Variants in NSMF observed in about 807,000 individuals in gnomAD.
The protein encoded by NSMF is nasal embryonic LHRH factor.
NSMF carries 31 observed loss-of-function variants against 71.0 expected under a neutral mutation model. That is an observed-to-expected ratio of 0.44 (90% CI 0.33 to 0.59). NSMF has a LOEUF of 0.59. NSMF is among the 20% of genes least tolerant of loss of function. NSMF has a pLI of 0.04. For synonymous variants in NSMF, 345 were observed against 287.1 expected (o/e 1.20, Z -2.04); for missense variants, 673 against 740.5 (o/e 0.91, Z 1.06).
chr9:137,456,208 G>T (rs868812530), intron 4 of NSMF, among the ~76,000 whole-genome samples: 8 of 123,676 alleles, frequency 6.5e-5, no homozygotes, highest in South Asian at 2.4e-4. Flanking sequence ...GTGTGTGTGT[G>T]GGGGGGGGGG....
rs757328970 is a variant in NSMF at position 137,453,739 on chromosome 9, G to C, written c.914C>G (p.Ser305Cys). The change falls in exon 8 of 16, where the codon TCC becomes TGC. Residue 305 changes from serine (S) to cysteine (C), a missense_variant. By Grantham distance (112) the Ser-to-Cys change is moderately radical. Transcript: ENST00000371475. The surrounding 1 kb of genome is among the most constrained non-coding windows in gnomAD (Gnocchi z 4.5). ...CTGTGCGGGGCACCTACTGTCTCGG[G>C]AGTCGTGGGAAGTGTCGGCTTTCAT... is the stretch of plus-strand genomic sequence containing the variant. Reference protein sequence around the residue: ...TPMKADTSHDSRDSSDLQSSH... With the variant: ...TPMKADTSHDCRDSSDLQSSH... 8 of 1,601,728 alleles carry C rather than the reference G, an allele frequency of 5.0e-6. No individual in the cohort carries two copies. The highest frequency in any genetic ancestry group is 5.9e-6 in the Non-Finnish European group (7 of 1,178,014).
intron 7 of NSMF, 95 bp downstream of exon 7, chr9:137,454,296 G>A: frequency 8.1e-7 from 1 of 1,241,178 alleles, no homozygotes; most frequent in South Asian, 1.3e-5. Flanking sequence ...ATTGGGGTTG[G>A]GGCGGGGGTC....
chr9:137,458,469 C>G lies in NSMF; in HGVS notation c.133+19G>C. 6.4e-6 allele frequency: 10 copies of G among 1,568,090 alleles called. No individual in the cohort carries two copies. The highest frequency in any genetic ancestry group is 8.6e-6 in the Non-Finnish European group (10 of 1,160,588). On this transcript the variant is annotated intron_variant, in intron 2 of 15. Transcript: ENST00000371475. ...CTGGGGGGTCTGGGCGGCCCTGGCA[C>G]GGCCTCGCGTGCCCCTACCTGCGCC...
chr9:137,458,650 C>T, intron 1 of NSMF, 101 bp from the exon 2 acceptor site: 1 of 1,173,996 alleles, frequency 8.5e-7, no homozygotes, highest in Non-Finnish European at 1.2e-6. Flanking sequence ...AGGCCCTCGG[C>T]GTCTGGAAGG....
chr9:137,454,072 G>A (rs1830698856), intron 7 of NSMF, among the ~76,000 whole-genome samples: 2 of 142,636 alleles, frequency 1.4e-5, no homozygotes, highest in Non-Finnish European at 3.1e-5. Flanking sequence ...TGGCTGGGAG[G>A]GGAGGAGCCT....
chr9:137,458,028 C>T, intron 2 of NSMF, 127 bp from the exon 3 acceptor site: 5 of 1,344,546 alleles, frequency 3.7e-6, no homozygotes, highest in Non-Finnish European at 5.1e-6. Flanking sequence ...GCTGCCCAAA[C>T]CCTAGTCACT....
At chr9:137,456,083 G>T (rs1167828315) in intron 4 of NSMF, among the ~76,000 whole-genome samples, 1 of 152,250 alleles carries the variant, frequency 6.6e-6, no homozygotes, top group Non-Finnish European at 1.5e-5. Context: ...TCTATTTGGG[G>T]TTTGAGGGAG....
At position 137,459,266 on chromosome 9, in the gene NSMF, C is replaced by A. The variant is rs1831054260; in HGVS notation, c.-164G>T. The A allele has an allele frequency of 3.0e-6, 1 of 329,034 alleles. No homozygotes were observed. Among genetic ancestry groups the A allele is most frequent in the Non-Finnish European group, 4.4e-6 (1 of 225,500 alleles). The allele number at this position is 329,034 out of a possible 1,614,324, so 20.4% of individuals were successfully genotyped here. A position where few individuals can be genotyped will look rare whatever the true frequency, so the allele number is the denominator to read the frequency against. The stretch of plus-strand genomic sequence containing the variant: ...CTCGGGGTCGGGCTCGGGGTCGGGC[C>A]CGGTCCCCGCATGGCCGCACCCGGC... On this transcript the variant is annotated 5_prime_UTR_variant, in exon 1 of 16. Coordinates refer to ENST00000371475, the MANE Select transcript of NSMF (RefSeq NM_001130969.3).
In NSMF at chr9:137,449,983, T is replaced by C. The variant is rs903286825; in HGVS notation, c.1359A>G (p.Pro453=). The part of the protein sequence containing the change: ...RLSRLMSKVN[P]EPNVIHIMGC... ...CCATGATGTGGATGACGTTCGGCTC[T>C]GGGTTCACTTTGCTCATCAGGCGGC... Residue 453 remains proline, a synonymous_variant, in exon 14 of 16, where the codon CCA becomes CCG. Transcript: ENST00000371475. 1 of 1,613,256 alleles carries C rather than the reference T, an allele frequency of 6.2e-7. No individual in the cohort carries two copies. The highest frequency in any genetic ancestry group is 8.5e-7 in the Non-Finnish European group (1 of 1,179,916).
intron 3 of NSMF, among the ~76,000 whole-genome samples, chr9:137,456,944 C>T (rs1049491505): frequency 6.6e-6 from 1 of 152,112 alleles, no homozygotes; most frequent in African/African-American, 2.4e-5. Context: ...CCCTGATGCC[C>T]AAGTGTGGGG....
rs1479008962 is a variant in NSMF, at chr9:137,459,024, G to A, written c.71+8C>T. On this transcript the variant is annotated splice_region_variant and intron_variant, in intron 1 of 15. Transcript: ENST00000371475. ...CGGGGTGCGGGAAGGCGGCCCCGCC[G>A]CACTCACCGCACTTTGGCCGCCACC... 6 of 1,278,304 alleles carry A rather than the reference G, an allele frequency of 4.7e-6. No individual in the cohort carries two copies. Among genetic ancestry groups the A allele is most frequent in the South Asian group, 2.5e-5 (1 of 39,246 alleles). The allele number at this position is 1,278,304 out of a possible 1,614,324, so 79.2% of individuals were successfully genotyped here. A position where few individuals can be genotyped will look rare whatever the true frequency, so the allele number is the denominator to read the frequency against.
chr9:137,455,355 G>A (rs954572682), intron 5 of NSMF, 48 bp from the exon 6 acceptor site: 7 of 1,595,278 alleles, frequency 4.4e-6, no homozygotes, highest in Non-Finnish European at 6.0e-6. Context: ...GAGGCAGGAG[G>A]GACACAGACG....
chr9:137,453,771 G>A lies in NSMF; in HGVS notation c.882C>T (p.Pro294=), dbSNP rs200313296. ...GGGAAGTGTCGGCTTTCATGGGGGT[G>A]GGGTCGCTCCAGGACCGGCTGAAGC... ...ERSFSRSWSD[P]TPMKADTSHD... is the part of the protein sequence containing the mutation. Residue 294 remains proline, a synonymous_variant, in exon 8 of 16, where the codon CCC becomes CCT. Coordinates refer to ENST00000371475, the MANE Select transcript of NSMF (RefSeq NM_001130969.3). This position sits in a 1 kb window ranked among gnomAD's most constrained non-coding sequence, Gnocchi z 4.5. 2.5e-6 allele frequency: 4 copies of A among 1,601,340 alleles called. No individual in the cohort carries two copies. Among genetic ancestry groups the A allele is most frequent in the Non-Finnish European group, 3.4e-6 (4 of 1,178,610 alleles).
At position 137,453,678 on chromosome 9, in the gene NSMF, G is replaced by GGGGTCTA; in HGVS notation, c.922+46_922+52dup. ...GGCAGGGGACCCCCAGCAGGGGTCT[G>GGGGTCTA]GGGTCTAGGGGAGGCTCTGGGGAAG... On this transcript the variant is annotated intron_variant, in intron 8 of 15. Coordinates refer to ENST00000371475, the MANE Select transcript of NSMF (RefSeq NM_001130969.3). The surrounding 1 kb of genome is among the most constrained non-coding windows in gnomAD (Gnocchi z 4.5). 7.0e-7 allele frequency: 1 copy of GGGGTCTA among 1,436,836 alleles called. No homozygotes were observed. The allele number at this position is 1,436,836 out of a possible 1,614,324, so 89.0% of individuals were successfully genotyped here.
chr9:137,459,148 G>C lies in NSMF; in HGVS notation c.-46C>G. 25 of 1,038,876 alleles carry C rather than the reference G, an allele frequency of 2.4e-5. No homozygotes were observed. In the East Asian group the frequency reaches 2.5e-4, roughly 10 times the overall value. 64.4% of individuals were successfully genotyped at this position (1,038,876 alleles called of 1,614,324 possible). A position where few individuals can be genotyped will look rare whatever the true frequency, so the allele number is the denominator to read the frequency against. ...CCCCGGGCCTCAGAGCGCGCCCCGC[G>C]CCCGCCGCCTCCGCCGGGGTAGCCG... On this transcript the variant is annotated 5_prime_UTR_variant, in exon 1 of 16. Coordinates refer to ENST00000371475, the MANE Select transcript of NSMF (RefSeq NM_001130969.3).
chr9:137,452,239 C>A, intron 12 of NSMF, 126 bp downstream of exon 12: 2 of 759,528 alleles, frequency 2.6e-6, no homozygotes, highest in East Asian at 3.3e-5. Context: ...ACAAACACCT[C>A]TTCCCCTTGG....
intron 13 of NSMF, 42 bp downstream of exon 13, chr9:137,450,134 T>C: frequency 6.3e-7 from 1 of 1,593,440 alleles, no homozygotes; most frequent in South Asian, 1.1e-5. Context: ...GCCTGGACTC[T>C]GCCTCCAGCC....
Position 137,458,459 on chromosome 9 carries a change from G to A in NSMF, c.133+29C>T, listed in dbSNP as rs372601974. 378 of 1,552,790 alleles carry A rather than the reference G, an allele frequency of 2.4e-4. 3 individuals are homozygous for A. The highest frequency in any genetic ancestry group is 5.9e-5 in the South Asian group (5 of 85,364). The stretch of plus-strand genomic sequence containing the variant: ...ATCCCTTGGGCTGGGGGGTCTGGGC[G>A]GCCCTGGCACGGCCTCGCGTGCCCC... On this transcript the variant is annotated intron_variant, in intron 2 of 15. Coordinates refer to ENST00000371475, the MANE Select transcript of NSMF (RefSeq NM_001130969.3).
In NSMF at chr9:137,452,981, C is replaced by T. The variant is rs568762483; in HGVS notation, c.1047+75G>A. 1.1e-5 allele frequency: 18 copies of T among 1,604,448 alleles called. No homozygotes were observed. In the Admixed American group the frequency reaches 2.5e-4, roughly 22 times the overall value. Reference sequence around the variant, plus strand: ...CTGGAGAAGGCTGCGTGGTCCCAGGCAGAGCTGGCTGGACTCGGGTTGGGG... The same window carrying T: ...CTGGAGAAGGCTGCGTGGTCCCAGGTAGAGCTGGCTGGACTCGGGTTGGGG... On this transcript the variant is annotated intron_variant, in intron 9 of 15. Transcript: ENST00000371475.
Sources: allele counts gnomAD v4.1 joint callset (sites outside exome capture counted in the v4.1 genomes callset), GRCh38; gene constraint gnomAD v4.1.1; non-coding constraint Gnocchi (gnomAD v3.1); transcripts MANE v1.5; gene names NCBI Gene and HGNC (gene_info 2026-07-23, HGNC 2026-07-21).